CDC42BPA: variants seen among roughly 807,000 people sequenced by gnomAD.
CDC42BPA encodes CDC42 binding protein kinase alpha.
Under a neutral mutation model 223.5 loss-of-function variants are expected in CDC42BPA, and 80 were observed. That is an observed-to-expected ratio of 0.36 (90% CI 0.30 to 0.43). The LOEUF is 0.43. Ranked by LOEUF, CDC42BPA falls within the 20% of genes least tolerant of loss-of-function variation. The pLI, the probability that CDC42BPA is intolerant of heterozygous loss-of-function variation, is 1.00. For synonymous variants in CDC42BPA, 694 were observed against 718.6 expected (o/e 0.97, Z 0.55); for missense variants, 1,743 against 2,099.9 (o/e 0.83, Z 3.32).
intron 34 of CDC42BPA, among the ~76,000 whole-genome samples, chr1:227,015,500 A>G (rs562134216): frequency 6.6e-6 from 1 of 152,186 alleles, no homozygotes; most frequent in South Asian, 2.1e-4. Flanking sequence ...AGCAATCCTC[A>G]TGCCTTGGCC....
Position 227,031,224 on chromosome 1 carries a change from T to C in CDC42BPA, c.3775+74A>G, listed in dbSNP as rs1012459381. The C allele has an allele frequency of 7.6e-6, 9 of 1,190,924 alleles. No homozygotes were observed. The African/African-American group carries it at 1.4e-4, about 18-fold the overall frequency. 73.8% of individuals were successfully genotyped at this position (1,190,924 alleles called of 1,614,324 possible). A position where few individuals can be genotyped will look rare whatever the true frequency, so the allele number is the denominator to read the frequency against. On this transcript the variant is annotated intron_variant, in intron 28 of 36. Coordinates refer to ENST00000366766, the MANE Select transcript of CDC42BPA (RefSeq NM_001394014.1). ...ATGTTGGACACTGGGGATTCCTAGA[T>C]GAAAGCCAATCCCTGTTCTCAAGGT...
In CDC42BPA at chr1:227,314,175, CTA is replaced by C. The variant is rs773171487; in HGVS notation, c.178+2828_178+2829del. ...TTCTACAACTCCACTGTAATTTATTCTAGAGTTATGCTGACATCGACTATTAC... is the reference window on the plus strand; with the variant it reads ...TTCTACAACTCCACTGTAATTTATTCGAGTTATGCTGACATCGACTATTAC... On this transcript the variant is annotated intron_variant, in intron 1 of 36. Coordinates refer to ENST00000366766, the MANE Select transcript of CDC42BPA (RefSeq NM_001394014.1). Among the ~76,000 whole-genome samples, 9 of 152,168 alleles carry C rather than the reference CTA, an allele frequency of 5.9e-5. No homozygotes were observed. In the East Asian group the frequency reaches 1.3e-3, roughly 23 times the overall value.
At chr1:227,302,351 A>G (rs1691782945) in intron 1 of CDC42BPA, among the ~76,000 whole-genome samples, 1 of 152,206 alleles carries the variant, frequency 6.6e-6, no homozygotes, top group Admixed American at 6.5e-5. Flanking sequence ...TAACACCTTC[A>G]TGCCTAAAAA....
chr1:227,164,701 CACGCACACACAA>C (rs1421241688), intron 5 of CDC42BPA, among the ~76,000 whole-genome samples: 2 of 150,502 alleles, frequency 1.3e-5, no homozygotes, highest in South Asian at 2.2e-4. Context: ...CACACACGTG[CACGCACACACAA>C]ACGCACACAC....
At chr1:227,062,734 A>T (rs1385083629) in intron 21 of CDC42BPA, among the ~76,000 whole-genome samples, 2 of 152,112 alleles carry the variant, frequency 1.3e-5, no homozygotes, top group Non-Finnish European at 2.9e-5. Flanking sequence ...ATTATAAAAT[A>T]AGTACTTTGA....
intron 21 of CDC42BPA, among the ~76,000 whole-genome samples, chr1:227,057,232 T>G (rs986566069): frequency 1.3e-5 from 2 of 152,216 alleles, no homozygotes; most frequent in African/African-American, 4.8e-5. Flanking sequence ...ATAAAAACTT[T>G]TTCTTCTACT....
chr1:227,091,268 G>C (rs1221400448), intron 16 of CDC42BPA, among the ~76,000 whole-genome samples: 3 of 151,936 alleles, frequency 2.0e-5, no homozygotes, highest in African/African-American at 7.3e-5. Context: ...TGTCTCCTTC[G>C]AATCTCAGGT....
At chr1:227,034,054 C>G (rs1417378963) in intron 26 of CDC42BPA, among the ~76,000 whole-genome samples, 1 of 152,118 alleles carries the variant, frequency 6.6e-6, no homozygotes, top group African/African-American at 2.4e-5. Context: ...TGAGTCACAG[C>G]TAGAAATTCC....
At chr1:227,129,005 A>G (rs1350880326) in intron 11 of CDC42BPA, 104 bp downstream of exon 11, 1 of 771,808 alleles carries the variant, frequency 1.3e-6, no homozygotes, top group Non-Finnish European at 2.1e-6. Context: ...CATGCAACTC[A>G]CATCACATAA....
At chr1:227,162,983 C>A (rs1183919891) in intron 5 of CDC42BPA, among the ~76,000 whole-genome samples, 10 of 46,130 alleles carry the variant, frequency 2.2e-4, no homozygotes, top group African/African-American at 1.2e-3. Context: ...TGTTTCCAAA[C>A]ATGTTTCCAA....
In CDC42BPA at chr1:227,026,166, A is replaced by G; in HGVS notation, c.4433-14T>C. The G allele has an allele frequency of 7.0e-7, 1 of 1,419,440 alleles. No individual in the cohort carries two copies. The highest frequency in any genetic ancestry group is 9.8e-7 in the Non-Finnish European group (1 of 1,016,052). The allele number at this position is 1,419,440 out of a possible 1,614,324, so 87.9% of individuals were successfully genotyped here. On this transcript the variant is annotated splice_polypyrimidine_tract_variant and intron_variant, in intron 30 of 36. Coordinates refer to ENST00000366766, the MANE Select transcript of CDC42BPA (RefSeq NM_001394014.1). ...GTGCATTGTAACCTGGGAGAAGGGAAGGGGGGGCAGCTTGCGGATTACTTT... is the reference window on the plus strand; with the variant it reads ...GTGCATTGTAACCTGGGAGAAGGGAGGGGGGGGCAGCTTGCGGATTACTTT...
intron 35 of CDC42BPA, among the ~76,000 whole-genome samples, chr1:226,997,700 C>A (rs1273406177): frequency 6.6e-6 from 1 of 152,120 alleles, no homozygotes; most frequent in East Asian, 1.9e-4. Flanking sequence ...GCCTTCATTT[C>A]GTTATTTACC....
At chr1:227,001,243 C>T (rs781645130) in intron 35 of CDC42BPA, among the ~76,000 whole-genome samples, 2 of 152,186 alleles carry the variant, frequency 1.3e-5, no homozygotes, top group African/African-American at 2.4e-5. Context: ...TTTATATGAG[C>T]TGGGCTAGTC....
intron 14 of CDC42BPA, among the ~76,000 whole-genome samples, chr1:227,106,332 TATTAA>T (rs1558509821): frequency 1.3e-5 from 2 of 152,212 alleles, no homozygotes; most frequent in Admixed American, 6.5e-5. Context: ...ATAATCTGGA[TATTAA>T]ATTGTTATCA....
At chr1:227,264,631 C>T in intron 1 of CDC42BPA, 1 of 502,056 alleles carries the variant, frequency 2.0e-6, no homozygotes, top group Admixed American at 3.3e-5. Context: ...TAAGAGTATA[C>T]ATTAATTAAT....
chr1:227,038,832 G>T (rs1670818454), intron 24 of CDC42BPA, among the ~76,000 whole-genome samples: 1 of 152,224 alleles, frequency 6.6e-6, no homozygotes, highest in Non-Finnish European at 1.5e-5. Context: ...AAGTGGTCCA[G>T]TCACAGCAAA....
At chr1:227,115,593 G>A (rs933457086) in intron 12 of CDC42BPA, among the ~76,000 whole-genome samples, 12 of 151,508 alleles carry the variant, frequency 7.9e-5, no homozygotes, top group African/African-American at 2.4e-4. Flanking sequence ...ATTGGAACAC[G>A]AACTATTTTC....
At chr1:227,249,932 C>T (rs1681677637) in intron 2 of CDC42BPA, among the ~76,000 whole-genome samples, 3 of 152,120 alleles carry the variant, frequency 2.0e-5, no homozygotes, top group African/African-American at 7.2e-5. Context: ...ATTGTCCATT[C>T]TGAAATAACT....
intron 11 of CDC42BPA, 134 bp from the exon 12 acceptor site, chr1:227,120,071 T>C: frequency 3.5e-6 from 2 of 572,708 alleles, no homozygotes; most frequent in Non-Finnish European, 5.9e-6. Context: ...TATACCAGTA[T>C]GACTCTTGAC....
Sources: gnomAD v4.1 joint callset for allele counts (sites outside exome capture counted in the v4.1 genomes callset) on GRCh38, gnomAD v4.1.1 for gene constraint, MANE v1.5 for transcripts, NCBI Gene and HGNC (gene_info 2026-07-23, HGNC 2026-07-21) for gene names.